The following RUNX1 variants were observed in gnomAD, a reference collection of about 807,000 sequenced individuals.
The protein encoded by RUNX1 is runt-related transcription factor 1.
RUNX1 carries 19 observed loss-of-function variants against 42.8 expected under a neutral mutation model. The observed-to-expected ratio is 0.44, with a 90% CI of 0.31 to 0.65. The LOEUF is 0.65. RUNX1 is among the 30% of genes least tolerant of loss of function. RUNX1 has a pLI of 0.07. For synonymous variants in RUNX1, 271 were observed against 289.4 expected, an observed-to-expected ratio of 0.94 and a Z score of 0.64; for missense variants, 528 against 672.0, an observed-to-expected ratio of 0.79 and a Z score of 2.37.
At chr21:34,796,469 T>TC (rs960412584) in intron 8 of RUNX1, among the ~76,000 whole-genome samples, 6 of 152,142 alleles carry the variant, frequency 3.9e-5, no homozygotes, top group African/African-American at 1.4e-4. Flanking sequence ...TGGCCTGGTG[T>TC]CCCCTGATTC....
chr21:35,047,470 C>G (rs992632823), intron 2 of RUNX1, among the ~76,000 whole-genome samples: 4 of 148,930 alleles, frequency 2.7e-5, no homozygotes, highest in Non-Finnish European at 4.4e-5. Context: ...TGGTTAATGA[C>G]TTGTTTTCTT....
At chr21:34,919,557 C>G (rs868377786) in intron 2 of RUNX1, among the ~76,000 whole-genome samples, 12 of 152,266 alleles carry the variant, frequency 7.9e-5, no homozygotes, top group African/African-American at 2.9e-4. Context: ...TTCACTCACT[C>G]CTTAGTGGCT....
chr21:34,860,892 C>T (rs1283915257), intron 5 of RUNX1, among the ~76,000 whole-genome samples: 1 of 152,184 alleles, frequency 6.6e-6, no homozygotes, highest in Non-Finnish European at 1.5e-5. Context: ...CCACCGAACA[C>T]TCCCCAAAGA....
chr21:34,964,811 G>T (rs1319338769), intron 2 of RUNX1, among the ~76,000 whole-genome samples: 1 of 152,196 alleles, frequency 6.6e-6, no homozygotes, highest in Non-Finnish European at 1.5e-5. Flanking sequence ...AAATACCTAT[G>T]ATCTCTTCTG....
chr21:34,919,730 G>T (rs1221844035), intron 2 of RUNX1, among the ~76,000 whole-genome samples: 2 of 152,156 alleles, frequency 1.3e-5, no homozygotes, highest in Admixed American at 1.3e-4. Flanking sequence ...ATGCATTTTG[G>T]TAACTGATGC....
chr21:34,906,464 T>C (rs2058220275), intron 2 of RUNX1, among the ~76,000 whole-genome samples: 1 of 152,212 alleles, frequency 6.6e-6, no homozygotes. Flanking sequence ...GCTTCAGACA[T>C]TGTGGCAAGG....
chr21:34,959,920 G>C (rs2058671152), intron 2 of RUNX1, among the ~76,000 whole-genome samples: 1 of 152,160 alleles, frequency 6.6e-6, no homozygotes, highest in Non-Finnish European at 1.5e-5. Context: ...GGGTCAAGGG[G>C]GCTACCTGGA....
chr21:34,925,546 A>G (rs2058386618), intron 2 of RUNX1, among the ~76,000 whole-genome samples: 1 of 152,164 alleles, frequency 6.6e-6, no homozygotes, highest in Non-Finnish European at 1.5e-5. Flanking sequence ...AGTGTCAAGG[A>G]TTGCTGGCAA....
intron 2 of RUNX1, among the ~76,000 whole-genome samples, chr21:34,952,914 G>A (rs1302096743): frequency 6.6e-6 from 1 of 152,142 alleles, no homozygotes; most frequent in Admixed American, 6.5e-5. Context: ...AATCACACAG[G>A]CTATGTCTGA....
chr21:34,948,414 T>C (rs940235113), intron 2 of RUNX1, among the ~76,000 whole-genome samples: 3 of 152,300 alleles, frequency 2.0e-5, no homozygotes, highest in Middle Eastern at 3.4e-3. Context: ...GCCACAAAAG[T>C]ACTTTATAAA....
At chr21:34,852,090 C>A (rs1443166680) in intron 6 of RUNX1, among the ~76,000 whole-genome samples, 2 of 152,154 alleles carry the variant, frequency 1.3e-5, no homozygotes, top group African/African-American at 4.8e-5. Context: ...ATTGCTTGAA[C>A]CCAGGAGGTG....
intron 7 of RUNX1, among the ~76,000 whole-genome samples, chr21:34,807,778 CT>C (rs1050067547): frequency 2.0e-5 from 3 of 152,290 alleles, no homozygotes; most frequent in African/African-American, 7.2e-5. Context: ...TCTGGGACCC[CT>C]GGGAAGAAAG....
At chr21:34,992,839 C>T (rs2058955799) in intron 2 of RUNX1, among the ~76,000 whole-genome samples, 1 of 152,224 alleles carries the variant, frequency 6.6e-6, no homozygotes, top group Non-Finnish European at 1.5e-5. Flanking sequence ...CAGGGCTTTG[C>T]AATGCAGCTA....
At chr21:35,028,719 G>A (rs9974514) in intron 2 of RUNX1, among the ~76,000 whole-genome samples, 2,230 of 152,320 alleles carry the variant, frequency 0.015, 54 homozygotes, top group African/African-American at 0.051. Flanking sequence ...TTATGTTCAA[G>A]ACTACTTTCT....
rs62216422 is a variant in RUNX1, at chr21:34,926,546, T to C, written c.59-33583A>G. On this transcript the variant is annotated intron_variant, in intron 2 of 8. Transcript: ENST00000675419. ...CATTTTGATCTACAACAAACACAAA[T>C]TGTGTTTTTCTACAGCACATATTTA... 6.1e-4 allele frequency among the ~76,000 whole-genome samples: 14 copies of C among 22,984 alleles called. 1 individual carries two copies. Among genetic ancestry groups the C allele is most frequent in the Non-Finnish European group, 4.2e-4 (4 of 9,550 alleles). The allele number at this position is 22,984 out of a possible 152,430, so 15.1% of individuals were successfully genotyped here. A position where few individuals can be genotyped will look rare whatever the true frequency, so the allele number is the denominator to read the frequency against.
chr21:34,847,555 A>G (rs1460702705), intron 6 of RUNX1, among the ~76,000 whole-genome samples: 1 of 152,158 alleles, frequency 6.6e-6, no homozygotes, highest in Non-Finnish European at 1.5e-5. Context: ...GCACATTGAT[A>G]TATATTATCT....
chr21:34,797,716 A>G (rs960080675), intron 8 of RUNX1, among the ~76,000 whole-genome samples: 2 of 152,224 alleles, frequency 1.3e-5, no homozygotes, highest in African/African-American at 4.8e-5. Context: ...AGAATGTACC[A>G]TGAAAATATT....
intron 2 of RUNX1, among the ~76,000 whole-genome samples, chr21:34,995,052 C>A (rs541620032): frequency 1.3e-5 from 2 of 152,312 alleles, no homozygotes; most frequent in African/African-American, 2.4e-5. Flanking sequence ...GGCATTTAAG[C>A]CCGAAAGGAA....
rs182750865 is a variant in RUNX1 at position 34,963,671 on chromosome 21, C to G, written c.59-70708G>C. On this transcript the variant is annotated intron_variant, in intron 2 of 8. Coordinates refer to ENST00000675419, the MANE Select transcript of RUNX1 (RefSeq NM_001754.5). ...AAGTTGTTCAAGCTATAGTCCACCC[C>G]CAAGAAGTATCACAACTGGGCAGGT... 4.1e-4 allele frequency among the ~76,000 whole-genome samples: 63 copies of G among 152,278 alleles called. 1 individual carries two copies. The East Asian group carries it at 0.01, about 25-fold the overall frequency.
Sources: allele counts gnomAD v4.1 joint callset (sites outside exome capture counted in the v4.1 genomes callset), GRCh38; gene constraint gnomAD v4.1.1; transcripts MANE v1.5; gene names NCBI Gene and HGNC (gene_info 2026-07-23, HGNC 2026-07-21).